Variants in NHEJ1 observed in about 807,000 individuals in gnomAD.
NHEJ1 encodes non-homologous end joining factor 1, also known as non-homologous end-joining factor 1.
NHEJ1 carries 22 observed loss-of-function variants against 39.4 expected under a neutral mutation model. The ratio of observed to expected loss-of-function variants is 0.56; its 90% confidence interval spans 0.40 to 0.80. The LOEUF (loss-of-function observed/expected upper bound fraction) is 0.80. Among genes scored for constraint, NHEJ1 ranks in the 30% least tolerant of loss-of-function variants. The probability of loss-of-function intolerance (pLI) is 0.00; values close to 1 mark genes in which losing one functional copy is unlikely to be tolerated. For missense variants in NHEJ1, 329 were observed against 357.1 expected, an observed-to-expected ratio of 0.92 and a Z score of 0.63; for synonymous variants, 154 against 135.6, an observed-to-expected ratio of 1.14 and a Z score of -0.94.
In NHEJ1 at chr2:219,075,505, G is replaced by A. The variant is rs1949004786; in HGVS notation, c.*876C>T. 6.6e-6 allele frequency: 1 copy of A among 152,124 alleles called. No individual in the cohort carries two copies. The highest frequency in any genetic ancestry group is 6.5e-5 in the Admixed American group (1 of 15,274). The allele number at this position is 152,124 out of a possible 1,614,324, so 9.4% of individuals were successfully genotyped here. Reference sequence around the variant, plus strand: ...CTCATGCCTGTAATCCCAGCACTTTGGGAGGTTGAGGTGGGCAGATCACTA... The same window carrying A: ...CTCATGCCTGTAATCCCAGCACTTTAGGAGGTTGAGGTGGGCAGATCACTA... On this transcript the variant is annotated 3_prime_UTR_variant, in exon 8 of 8. Transcript: ENST00000356853.
rs533924555 is a variant in NHEJ1 at position 219,094,897 on chromosome 2, T to G, written c.589-16691A>C. 3.9e-4 allele frequency among the ~76,000 whole-genome samples: 60 copies of G among 152,248 alleles called. 1 individual carries two copies. The highest frequency in any genetic ancestry group is 3.1e-4 in the African/African-American group (13 of 41,540). ...ATCTAGGCTCTGGTTACAGGGCATC[T>G]TGAACACCTGCTAATAATAAAACAT... On this transcript the variant is annotated intron_variant, in intron 5 of 7. Coordinates refer to ENST00000356853, the MANE Select transcript of NHEJ1 (RefSeq NM_024782.3).
rs770861190 is a variant in NHEJ1 at position 219,147,668 on chromosome 2, G to T, written c.518C>A (p.Thr173Lys). 1 of 1,614,102 alleles carries T rather than the reference G, an allele frequency of 6.2e-7. No homozygotes were observed. The highest frequency in any genetic ancestry group is 1.1e-5 in the South Asian group (1 of 91,076). ...EIQDYQESGA[T>K]LIRDRLKTEP... ...GAATGTCCTCTTACCTCGAATCAGC[G>T]TAGCCCCACTCTCCTGGTAGTCTTG... The change falls in exon 4 of 8, where the codon ACG becomes AAG. Residue 173 changes from threonine (T) to lysine (K), a missense_variant. Physicochemically the swap from Thr to Lys is moderately conservative, Grantham distance 78. Transcript: ENST00000356853.
At chr2:219,121,675 T>C (rs1361727083) in intron 5 of NHEJ1, among the ~76,000 whole-genome samples, 1 of 151,958 alleles carries the variant, frequency 6.6e-6, no homozygotes, top group Non-Finnish European at 1.5e-5. Context: ...ACCCCATCTC[T>C]ACTAAAAATA....
chr2:219,119,651 A>G (rs979601893), intron 5 of NHEJ1, among the ~76,000 whole-genome samples: 1 of 152,230 alleles, frequency 6.6e-6, no homozygotes, highest in Admixed American at 6.5e-5. Context: ...TTTCATGACA[A>G]CTGAGTAGAA....
rs60206904 is a variant in NHEJ1 at position 219,096,351 on chromosome 2, G to A, written c.589-18145C>T. Among the ~76,000 whole-genome samples, 487 of 152,236 alleles carry A rather than the reference G, an allele frequency of 3.2e-3. 4 individuals are homozygous for A. Among genetic ancestry groups the A allele is most frequent in the African/African-American group, 0.01 (436 of 41,552 alleles). On this transcript the variant is annotated intron_variant, in intron 5 of 7. Coordinates refer to ENST00000356853, the MANE Select transcript of NHEJ1 (RefSeq NM_024782.3). ...TCAGATTTTCAGTCATTTTTGCTCCGCAATCATGCCTAAAAGTAGACAAGT... is the reference window on the plus strand; with the variant it reads ...TCAGATTTTCAGTCATTTTTGCTCCACAATCATGCCTAAAAGTAGACAAGT...
At chr2:219,091,000 G>C (rs1559188493) in intron 5 of NHEJ1, among the ~76,000 whole-genome samples, 1 of 152,246 alleles carries the variant, frequency 6.6e-6, no homozygotes, top group African/African-American at 2.4e-5. Flanking sequence ...TAGGCTGTGA[G>C]CCCCTAGAGT....
chr2:219,113,253 G>A (rs1375122890), intron 5 of NHEJ1, among the ~76,000 whole-genome samples: 5 of 152,032 alleles, frequency 3.3e-5, no homozygotes, highest in Non-Finnish European at 7.4e-5. Flanking sequence ...CAGCAATTCA[G>A]GAAGAATTTC....
intron 6 of NHEJ1, 145 bp downstream of exon 6, chr2:219,077,944 G>C: frequency 1.4e-6 from 1 of 700,324 alleles, no homozygotes; most frequent in Non-Finnish European, 2.5e-6. Context: ...TACTGCAAAA[G>C]AGAAAATGCA....
At chr2:219,157,061 T>C (rs1284990038) in intron 3 of NHEJ1, among the ~76,000 whole-genome samples, 1 of 152,196 alleles carries the variant, frequency 6.6e-6, no homozygotes, top group African/African-American at 2.4e-5. Context: ...CTTAGCTCAG[T>C]AACAGTCTCT....
chr2:219,120,457 G>A (rs546633449), intron 5 of NHEJ1, among the ~76,000 whole-genome samples: 5 of 152,246 alleles, frequency 3.3e-5, no homozygotes, highest in Admixed American at 1.3e-4. Flanking sequence ...TAAGAAGAAG[G>A]AATCAGAATA....
chr2:219,084,285 G>A (rs778435494), intron 5 of NHEJ1, among the ~76,000 whole-genome samples: 110 of 152,278 alleles, frequency 7.2e-4, no homozygotes, highest in Middle Eastern at 3.4e-3. Context: ...GGGGTTACAG[G>A]CATGAGCCAC....
intron 5 of NHEJ1, among the ~76,000 whole-genome samples, chr2:219,125,171 C>A (rs151252676): frequency 6.6e-6 from 1 of 151,426 alleles, no homozygotes; most frequent in Non-Finnish European, 1.5e-5. Context: ...ACTTAAAAAC[C>A]CATACACATC....
chr2:219,150,472 A>G (rs1949784297), intron 3 of NHEJ1, among the ~76,000 whole-genome samples: 1 of 152,168 alleles, frequency 6.6e-6, no homozygotes, highest in Non-Finnish European at 1.5e-5. Flanking sequence ...TCAGCTTTGG[A>G]AAAATTTATC....
rs1447121427 is a variant in NHEJ1, at chr2:219,075,922, G to C, written c.*459C>G. 1 of 181,498 alleles carries C rather than the reference G, an allele frequency of 5.5e-6. No homozygotes were observed. The highest frequency in any genetic ancestry group is 1.4e-4 in the East Asian group (1 of 6,980). The allele number at this position is 181,498 out of a possible 1,614,324, so 11.2% of individuals were successfully genotyped here. On this transcript the variant is annotated 3_prime_UTR_variant, in exon 8 of 8. Coordinates refer to ENST00000356853, the MANE Select transcript of NHEJ1 (RefSeq NM_024782.3). ...CAACAATGGGGTGGGACCCAGTGAA[G>C]GAAGTGAATTGGGTTATGAGTTCCA...
intron 1 of NHEJ1, among the ~76,000 whole-genome samples, chr2:219,159,535 A>ATATGCATATATG (rs1949895971): frequency 2.4e-5 from 2 of 82,780 alleles, no homozygotes; most frequent in South Asian, 3.7e-4. Flanking sequence ...GCATATATAT[A>ATATGCATATATG]TGCATATATA....
chr2:219,092,994 C>T (rs540197046), intron 5 of NHEJ1, among the ~76,000 whole-genome samples: 2 of 152,182 alleles, frequency 1.3e-5, no homozygotes, highest in South Asian at 4.1e-4. Context: ...TTCTGCCTTA[C>T]AATTAATTGC....
At chr2:219,159,562 T>TAG (rs202225434) in intron 1 of NHEJ1, among the ~76,000 whole-genome samples, 1 of 11,220 alleles carries the variant, frequency 8.9e-5, no homozygotes, top group Admixed American at 1.0e-3. Flanking sequence ...CATATATATA[T>TAG]GCATATATAT....
At chr2:219,128,835 C>A (rs1394566871) in intron 5 of NHEJ1, among the ~76,000 whole-genome samples, 1 of 152,190 alleles carries the variant, frequency 6.6e-6, no homozygotes, top group Non-Finnish European at 1.5e-5. Context: ...CACTGTGGGG[C>A]CATAGGTAGC....
chr2:219,154,848 T>C (rs1282601944), intron 3 of NHEJ1, among the ~76,000 whole-genome samples: 3 of 147,976 alleles, frequency 2.0e-5, no homozygotes, highest in Non-Finnish European at 3.0e-5. Flanking sequence ...TTACATACTT[T>C]TATATTATAT....
Sources: allele counts gnomAD v4.1 joint callset (sites outside exome capture counted in the v4.1 genomes callset), GRCh38; gene constraint gnomAD v4.1.1; transcripts MANE v1.5; gene names NCBI Gene and HGNC (gene_info 2026-07-23, HGNC 2026-07-21).